Variants in ARPP21 observed in about 807,000 individuals in gnomAD.
ARPP21 encodes the protein cAMP regulated phosphoprotein 21.
ARPP21 carries 69 observed loss-of-function variants against 113.2 expected under a neutral mutation model. The ratio of observed to expected loss-of-function variants is 0.61; its 90% confidence interval spans 0.50 to 0.74. ARPP21 has a LOEUF of 0.74. Ranked by LOEUF, ARPP21 falls within the 30% of genes least tolerant of loss-of-function variation. The pLI, the probability that ARPP21 is intolerant of heterozygous loss-of-function variation, is 0.00. For synonymous variants in ARPP21, 368 were observed against 375.5 expected (o/e 0.98, Z 0.23); for missense variants, 1,070 against 1,037.4 (o/e 1.03, Z -0.43).
chr3:35,758,770 T>C (rs1387888289), intron 19 of ARPP21, among the ~76,000 whole-genome samples: 1 of 152,040 alleles, frequency 6.6e-6, no homozygotes, highest in East Asian at 1.9e-4. Flanking sequence ...CCAGTTCAGC[T>C]GTGGAATGGT....
intron 19 of ARPP21, among the ~76,000 whole-genome samples, chr3:35,790,567 T>A (rs868289167): frequency 6.6e-6 from 1 of 152,204 alleles, no homozygotes; most frequent in Admixed American, 6.5e-5. Flanking sequence ...AACAGAGAAG[T>A]AGAAGTAGTG....
chr3:35,721,825 T>C lies in ARPP21; in HGVS notation c.1216T>C (p.Ser406Pro), dbSNP rs779609418. 1.2e-6 allele frequency: 2 copies of C among 1,603,338 alleles called. No individual in the cohort carries two copies. The highest frequency in any genetic ancestry group is 8.5e-7 in the Non-Finnish European group (1 of 1,173,822). Residue 406 changes from serine (S) to proline (P), a missense_variant, in exon 14 of 21, where the codon TCC (serine) becomes CCC (proline). By Grantham distance (74) the Ser-to-Pro change is moderately conservative (BLOSUM62 -1). Coordinates refer to ENST00000684406, the MANE Select transcript of ARPP21 (RefSeq NM_001385562.1). ...CAGTACTAGGAGTACCGGGAAGCTGTCCAAAGCAGGTAGTTAGTACTGAAT... is the reference window on the plus strand; with the variant it reads ...CAGTACTAGGAGTACCGGGAAGCTGCCCAAAGCAGGTAGTTAGTACTGAAT... ...TSSTRSTGKL[S>P]KAGSESSSSA...
intron 13 of ARPP21, among the ~76,000 whole-genome samples, chr3:35,718,654 C>T (rs2092725382): frequency 6.6e-6 from 1 of 152,142 alleles, no homozygotes; most frequent in African/African-American, 2.4e-5. Flanking sequence ...AAGCCATTCA[C>T]ACAATTGTAA....
At chr3:35,708,669 A>G (rs1033254454) in intron 10 of ARPP21, among the ~76,000 whole-genome samples, 3 of 152,142 alleles carry the variant, frequency 2.0e-5, no homozygotes, top group African/African-American at 7.2e-5. Context: ...ATGAGCCATC[A>G]CGTATGTGAA....
At chr3:35,698,870 A>G (rs2085118161) in intron 9 of ARPP21, among the ~76,000 whole-genome samples, 1 of 151,650 alleles carries the variant, frequency 6.6e-6, no homozygotes, top group South Asian at 2.1e-4. Context: ...TGATGCCAAA[A>G]AAAAGTCTCC....
chr3:35,715,531 G>A (rs373732876), intron 12 of ARPP21, 55 bp downstream of exon 12: 3 of 1,410,928 alleles, frequency 2.1e-6, no homozygotes, highest in South Asian at 2.3e-5. Context: ...TGTCATGTGT[G>A]TCTTGTGTAT....
At chr3:35,656,511 T>G (rs1166001970) in intron 1 of ARPP21, among the ~76,000 whole-genome samples, 2 of 151,988 alleles carry the variant, frequency 1.3e-5, no homozygotes, top group African/African-American at 2.4e-5. Flanking sequence ...ATCGACACAA[T>G]AGTTTGGATG....
At chr3:35,780,179 A>G (rs1375970622) in intron 19 of ARPP21, among the ~76,000 whole-genome samples, 2 of 152,066 alleles carry the variant, frequency 1.3e-5, no homozygotes, top group Non-Finnish European at 2.9e-5. Flanking sequence ...ATACTTATGG[A>G]GTGGCTGGAA....
At chr3:35,662,283 G>T (rs1045905987) in intron 1 of ARPP21, among the ~76,000 whole-genome samples, 6 of 152,152 alleles carry the variant, frequency 3.9e-5, no homozygotes, top group Non-Finnish European at 8.8e-5. Flanking sequence ...GTGATGAGGT[G>T]CCAGGTATTA....
At chr3:35,645,228 C>G (rs1460542523) in intron 1 of ARPP21, among the ~76,000 whole-genome samples, 1 of 151,828 alleles carries the variant, frequency 6.6e-6, no homozygotes, top group South Asian at 2.1e-4. Flanking sequence ...TCACATTTCA[C>G]ACTACTTCAA....
intron 11 of ARPP21, among the ~76,000 whole-genome samples, chr3:35,710,103 T>C (rs2150055890): frequency 6.6e-6 from 1 of 152,270 alleles, no homozygotes; most frequent in South Asian, 2.1e-4. Flanking sequence ...CTTTCACGTT[T>C]ATATCCCGCC....
chr3:35,684,491 C>T (rs747908974), intron 5 of ARPP21: 295 of 984,458 alleles, frequency 3.0e-4, no homozygotes, highest in Non-Finnish European at 3.3e-4. Context: ...GGAAACTTCA[C>T]ATCATACTTA....
chr3:35,746,479 G>A (rs1305973918), intron 19 of ARPP21, among the ~76,000 whole-genome samples: 1 of 152,148 alleles, frequency 6.6e-6, no homozygotes, highest in Non-Finnish European at 1.5e-5. Flanking sequence ...TTTTCTGGAA[G>A]AACTAGAAAA....
At chr3:35,735,499 G>T (rs962180117) in intron 15 of ARPP21, among the ~76,000 whole-genome samples, 2 of 152,184 alleles carry the variant, frequency 1.3e-5, no homozygotes, top group African/African-American at 4.8e-5. Flanking sequence ...TAAGGCTGTT[G>T]TTCTTTCCTC....
chr3:35,730,904 G>A (rs751672316), intron 15 of ARPP21, among the ~76,000 whole-genome samples: 6 of 152,158 alleles, frequency 3.9e-5, no homozygotes, highest in Non-Finnish European at 7.4e-5. Context: ...TCATTTTATT[G>A]AAAACCGTTT....
At chr3:35,653,865 T>C (rs1195191569) in intron 1 of ARPP21, among the ~76,000 whole-genome samples, 1 of 152,100 alleles carries the variant, frequency 6.6e-6, no homozygotes, top group East Asian at 1.9e-4. Context: ...TGTAAAGTTG[T>C]GGTTTGAGTC....
At chr3:35,697,612 G>A (rs563887235) in intron 9 of ARPP21, among the ~76,000 whole-genome samples, 6 of 151,530 alleles carry the variant, frequency 4.0e-5, no homozygotes, top group Non-Finnish European at 8.9e-5. Flanking sequence ...CATCAGAAAG[G>A]AGGATCATGG....
At chr3:35,643,154 T>C (rs1181207480) in intron 1 of ARPP21, among the ~76,000 whole-genome samples, 1 of 152,088 alleles carries the variant, frequency 6.6e-6, no homozygotes, top group African/African-American at 2.4e-5. Flanking sequence ...CATACTATAA[T>C]CAGGTTATTC....
intron 14 of ARPP21, among the ~76,000 whole-genome samples, chr3:35,724,567 C>T (rs1026611623): frequency 1.3e-5 from 2 of 152,288 alleles, no homozygotes; most frequent in Admixed American, 6.5e-5. Flanking sequence ...GACAAGTTCC[C>T]AGTTGATGCC....
Sources: gnomAD v4.1 joint callset for allele counts (sites outside exome capture counted in the v4.1 genomes callset) on GRCh38, gnomAD v4.1.1 for gene constraint, MANE v1.5 for transcripts, NCBI Gene and HGNC (gene_info 2026-07-23, HGNC 2026-07-21) for gene names.